Variants in BMPR1A observed in about 807,000 individuals in gnomAD.
The protein encoded by BMPR1A is bone morphogenetic protein receptor type 1A.
In BMPR1A, 7 loss-of-function variants were observed where a neutral mutation model predicts 66.0. The observed-to-expected ratio is 0.11, with a 90% CI of 0.06 to 0.20. The LOEUF is 0.20. Among genes scored for constraint, BMPR1A ranks in the 10% least tolerant of loss-of-function variants. The pLI is 1.00. For synonymous variants in BMPR1A, 200 were observed against 229.7 expected (o/e 0.87, Z 1.17); for missense variants, 408 against 669.1 (o/e 0.61, Z 4.31).
chr10:86,898,095 T>C (rs1843251920), intron 5 of BMPR1A, among the ~76,000 whole-genome samples: 2 of 151,984 alleles, frequency 1.3e-5, no homozygotes, highest in Admixed American at 6.5e-5. Context: ...TTAAAAATTA[T>C]TATTTTTAGA....
chr10:86,874,709 C>CTTTT lies in BMPR1A; in HGVS notation c.-152-1135_-152-1132dup, dbSNP rs200991488. The stretch of plus-strand genomic sequence containing the variant: ...GGCGTGAGTCACTGCACCCGACCTT[C>CTTTT]TTTTTTTTTTTTTTTTTTTTTTTTT... On this transcript the variant is annotated intron_variant, in intron 2 of 12. Transcript: ENST00000372037. Among the ~76,000 whole-genome samples the CTTTT allele has an allele frequency of 1.4e-3, 128 of 92,430 alleles. 14 individuals carry two copies. The highest frequency in any genetic ancestry group is 4.4e-3 in the African/African-American group (88 of 20,146). The allele number at this position is 92,430 out of a possible 152,430, so 60.6% of individuals were successfully genotyped here.
rs375416438 is a variant in BMPR1A at position 86,926,661 on chromosome 10, A to T, written c.*2942A>T. On this transcript the variant is annotated 3_prime_UTR_variant, in exon 13 of 13. Transcript: ENST00000372037. ...AAGAATATGATAGGCCAGCAAGAAG[A>T]AGTATTATGTAGTACCATAGTTAGT... is the stretch of plus-strand genomic sequence containing the variant. The T allele has an allele frequency of 7.1e-5, 13 of 183,766 alleles. No homozygotes were observed. The highest frequency in any genetic ancestry group is 5.3e-4 in the East Asian group (6 of 11,230). The allele number at this position is 183,766 out of a possible 1,614,324, so 11.4% of individuals were successfully genotyped here.
At position 86,835,494 on chromosome 10, in the gene BMPR1A, TG is replaced by T. The variant is rs569187561; in HGVS notation, c.-267-3370del. Among the ~76,000 whole-genome samples the T allele has an allele frequency of 2.5e-3, 318 of 125,980 alleles. 3 individuals are homozygous for T. The highest frequency in any genetic ancestry group is 0.01 in the Middle Eastern group (2 of 196). 82.6% of individuals were successfully genotyped at this position (125,980 alleles called of 152,430 possible). On this transcript the variant is annotated intron_variant, in intron 1 of 12. Transcript: ENST00000372037. ...TGAACCCAGGAGGCAGAGGTTGCAG[TG>T]AGCTGAGATCGTGCCACTGTACTCC...
chr10:86,869,672 G>A (rs1842830059), intron 2 of BMPR1A, among the ~76,000 whole-genome samples: 1 of 151,842 alleles, frequency 6.6e-6, no homozygotes, highest in Non-Finnish European at 1.5e-5. Flanking sequence ...CGGGAGAATC[G>A]CTTGAACCCT....
At chr10:86,815,945 A>G (rs1476739076) in intron 1 of BMPR1A, among the ~76,000 whole-genome samples, 2 of 152,244 alleles carry the variant, frequency 1.3e-5, no homozygotes, top group Non-Finnish European at 2.9e-5. Flanking sequence ...TTTCTTGCCT[A>G]GGATATCCCT....
rs1842363877 is a variant in BMPR1A, at chr10:86,837,247, C to CTGTCTG, written c.-267-1615_-267-1614insCTGTGT. Among the ~76,000 whole-genome samples, 10 of 138,216 alleles carry CTGTCTG rather than the reference C, an allele frequency of 7.2e-5. No individual in the cohort carries two copies. The South Asian group carries it at 2.5e-3, about 34-fold the overall frequency. 90.7% of individuals were successfully genotyped at this position (138,216 alleles called of 152,430 possible). ...AGAATCAGGCTGTGTGTGTGTGTGT[C>CTGTCTG]TGTGTGTGTGTGTGTGTGTGTGTGT... On this transcript the variant is annotated intron_variant, in intron 1 of 12. Coordinates refer to ENST00000372037, the MANE Select transcript of BMPR1A (RefSeq NM_004329.3).
At chr10:86,760,376 C>T (rs1228443204) in intron 1 of BMPR1A, among the ~76,000 whole-genome samples, 3 of 150,920 alleles carry the variant, frequency 2.0e-5, no homozygotes, top group Non-Finnish European at 1.5e-5. Context: ...GCCTCAGCCT[C>T]CCAGGTAGCT....
chr10:86,886,094 C>A (rs928881522), intron 3 of BMPR1A, among the ~76,000 whole-genome samples: 1 of 152,090 alleles, frequency 6.6e-6, no homozygotes, highest in African/African-American at 2.4e-5. Flanking sequence ...AACCTATACC[C>A]CCAGTCCACC....
At chr10:86,852,939 A>T (rs61550457) in intron 2 of BMPR1A, among the ~76,000 whole-genome samples, 3,169 of 152,276 alleles carry the variant, frequency 0.021, 98 homozygotes, top group African/African-American at 0.068. Context: ...TGAATTTTTT[A>T]AAAAAAGATA....
At chr10:86,764,623 T>C (rs551973487) in intron 1 of BMPR1A, among the ~76,000 whole-genome samples, 1 of 152,376 alleles carries the variant, frequency 6.6e-6, no homozygotes, top group Non-Finnish European at 1.5e-5. Context: ...TGGACTGGTC[T>C]CCTGCTCTGG....
chr10:86,841,127 C>T (rs1842419665), intron 2 of BMPR1A, among the ~76,000 whole-genome samples: 1 of 152,134 alleles, frequency 6.6e-6, no homozygotes, highest in African/African-American at 2.4e-5. Context: ...ATTTCTTTCA[C>T]CCTTTAAACA....
intron 1 of BMPR1A, among the ~76,000 whole-genome samples, chr10:86,823,306 C>T (rs546140271): frequency 1.3e-5 from 2 of 152,296 alleles, no homozygotes; most frequent in East Asian, 3.9e-4. Flanking sequence ...GTAGCTTACA[C>T]TTAGTGCTTA....
intron 1 of BMPR1A, among the ~76,000 whole-genome samples, chr10:86,792,192 C>T (rs1437385579): frequency 3.3e-5 from 5 of 151,216 alleles, no homozygotes; most frequent in South Asian, 4.2e-4. Context: ...CTCAGCCTCC[C>T]GAGTAGCTGG....
At chr10:86,809,459 T>A (rs1340623635) in intron 1 of BMPR1A, among the ~76,000 whole-genome samples, 1 of 151,888 alleles carries the variant, frequency 6.6e-6, no homozygotes, top group African/African-American at 2.4e-5. Context: ...CTAGCTAATT[T>A]TTGTATTTTT....
At chr10:86,759,632 C>G (rs913981294) in intron 1 of BMPR1A, among the ~76,000 whole-genome samples, 2 of 152,152 alleles carry the variant, frequency 1.3e-5, no homozygotes, top group African/African-American at 4.8e-5. Context: ...TCTATTCTTG[C>G]TAACTGTGGG....
chr10:86,903,553 A>C (rs564496961), intron 7 of BMPR1A, among the ~76,000 whole-genome samples: 32 of 151,996 alleles, frequency 2.1e-4, no homozygotes, highest in Non-Finnish European at 4.0e-4. Flanking sequence ...GACGAAAAAC[A>C]TACAGAAATA....
Position 86,923,633 on chromosome 10 carries a change from G to A in BMPR1A, c.1513G>A (p.Ala505Thr), listed in dbSNP as rs369966011. The A allele has an allele frequency of 3.0e-5, 49 of 1,614,156 alleles. No homozygotes were observed. Among genetic ancestry groups the A allele is most frequent in the Non-Finnish European group, 3.6e-5 (43 of 1,180,032 alleles). Residue 505 changes from alanine to threonine, a missense_variant, in exon 13 of 13, where the codon GCC becomes ACC. Ala to Thr is a moderately conservative substitution (Grantham distance 58). This residue lies in a region of BMPR1A where 130 missense variants were observed against 257.3 expected (regional missense o/e 0.51). Coordinates refer to ENST00000372037, the MANE Select transcript of BMPR1A (RefSeq NM_004329.3). ...AVLKLMSECW[A>T]HNPASRLTAL... Reference sequence around the variant, plus strand: ...TTTGAAGCTAATGTCAGAATGCTGGGCCCACAATCCAGCCTCCAGACTCAC... The same window carrying A: ...TTTGAAGCTAATGTCAGAATGCTGGACCCACAATCCAGCCTCCAGACTCAC...
intron 7 of BMPR1A, among the ~76,000 whole-genome samples, chr10:86,901,144 A>G (rs192060231): frequency 2.5e-3 from 377 of 152,336 alleles, no homozygotes; most frequent in Admixed American, 4.8e-3. Flanking sequence ...CCTCTTGCCA[A>G]TACCCAGCCT....
intron 1 of BMPR1A, among the ~76,000 whole-genome samples, chr10:86,803,140 A>G (rs936583648): frequency 4.3e-4 from 65 of 152,188 alleles, no homozygotes; most frequent in African/African-American, 1.4e-3. Context: ...AGAATAAAAT[A>G]TACTGATGTT....
Sources: gnomAD v4.1 joint callset for allele counts (sites outside exome capture counted in the v4.1 genomes callset) on GRCh38, gnomAD v4.1.1 for gene constraint, gnomAD v4.1.1 regional missense constraint, MANE v1.5 for transcripts, NCBI Gene and HGNC (gene_info 2026-07-23, HGNC 2026-07-21) for gene names.